The following KIAA0825 variants were observed in gnomAD, a reference collection of about 807,000 sequenced individuals.
KIAA0825 encodes the protein KIAA0825.
In KIAA0825, 119 loss-of-function variants were observed where a neutral mutation model predicts 147.6. The observed-to-expected ratio is 0.81, with a 90% CI of 0.69 to 0.94. The LOEUF is 0.94. Among genes scored for constraint, KIAA0825 ranks in the 40% least tolerant of loss-of-function variants. KIAA0825 has a pLI of 0.00. For synonymous variants in KIAA0825, 470 were observed against 518.1 expected (o/e 0.91, Z 1.26); for missense variants, 1,381 against 1,472.7 (o/e 0.94, Z 1.02).
chr5:94,404,086 G>A (rs1751735201), intron 15 of KIAA0825, among the ~76,000 whole-genome samples: 1 of 151,996 alleles, frequency 6.6e-6, no homozygotes, highest in Admixed American at 6.6e-5. Flanking sequence ...ATGACAACTT[G>A]GCAATAATGT....
At position 94,151,635 on chromosome 5, in the gene KIAA0825, C is replaced by T. The variant is rs1015433439; in HGVS notation, c.*2372G>A. Among the ~76,000 whole-genome samples, 41 of 152,170 alleles carry T rather than the reference C, an allele frequency of 2.7e-4. No individual in the cohort carries two copies. Among genetic ancestry groups the T allele is most frequent in the African/African-American group, 8.9e-4 (37 of 41,520 alleles). On this transcript the variant is annotated 3_prime_UTR_variant, in exon 21 of 21. Transcript: ENST00000682413. Reference sequence around the variant, plus strand: ...TCCTTTAAACTCATCCCATTTTCCCCTTACTATACTTCCTTTCTTTCAAAA... The same window carrying T: ...TCCTTTAAACTCATCCCATTTTCCCTTTACTATACTTCCTTTCTTTCAAAA...
At chr5:94,361,332 A>G (rs1334518391) in intron 20 of KIAA0825, among the ~76,000 whole-genome samples, 1 of 152,166 alleles carries the variant, frequency 6.6e-6, no homozygotes, top group Non-Finnish European at 1.5e-5. Context: ...TAAATCCTGT[A>G]CCAAAAGACA....
chr5:94,599,794 A>G (rs1269232077), intron 1 of KIAA0825, among the ~76,000 whole-genome samples: 1 of 152,224 alleles, frequency 6.6e-6, no homozygotes, highest in Non-Finnish European at 1.5e-5. Context: ...AAATCTTCAC[A>G]GCATTCTCTG....
chr5:94,170,939 G>T (rs187766967), intron 20 of KIAA0825, among the ~76,000 whole-genome samples: 135 of 152,182 alleles, frequency 8.9e-4, no homozygotes, highest in African/African-American at 3.2e-3. Flanking sequence ...TGTTTTGATG[G>T]GTCAGAAAGG....
chr5:94,604,585 A>C (rs115001534), intron 1 of KIAA0825, among the ~76,000 whole-genome samples: 10,403 of 152,110 alleles, frequency 0.068, 529 homozygotes, highest in Non-Finnish European at 0.099. Context: ...ACAAACAAAC[A>C]AACAAAAAAC....
chr5:94,396,145 C>A lies in KIAA0825; in HGVS notation c.3252G>T (p.Trp1084Cys). ...TTGCTTTCAACAATTGACGTTCAAT[C>A]CAGTTGGGCTTCTGCTGCTCAATGC... ...IQSIEQQKPN[W>C]IERQLLKARK... Residue 1084 changes from tryptophan to cysteine, a missense_variant, in exon 17 of 21, where the codon TGG (tryptophan) becomes TGT (cysteine). By Grantham distance (215) the Trp-to-Cys change is radical (BLOSUM62 -2). Coordinates refer to ENST00000682413, the MANE Select transcript of KIAA0825 (RefSeq NM_001145678.3). 1 of 1,523,604 alleles carries A rather than the reference C, an allele frequency of 6.6e-7. No individual in the cohort carries two copies. Among genetic ancestry groups the A allele is most frequent in the South Asian group, 1.3e-5 (1 of 78,530 alleles). 94.4% of individuals were successfully genotyped at this position (1,523,604 alleles called of 1,614,324 possible).
rs575359650 is a variant in KIAA0825 at position 94,159,356 on chromosome 5, T to C, written c.3711-5232A>G. ...TTATATGCAACATAGGGGGTGCTAG[T>C]GGTATACATCTCAATGCATTGTTGT... On this transcript the variant is annotated intron_variant, in intron 20 of 20. Transcript: ENST00000682413. 1.2e-4 allele frequency among the ~76,000 whole-genome samples: 18 copies of C among 152,246 alleles called. No individual in the cohort carries two copies. The East Asian group carries it at 3.3e-3, about 28-fold the overall frequency.
intron 5 of KIAA0825, 56 bp from the exon 6 acceptor site, chr5:94,484,986 A>AT: frequency 8.2e-7 from 1 of 1,218,872 alleles, no homozygotes; most frequent in Non-Finnish European, 1.1e-6. Flanking sequence ...CTTAGTAAAT[A>AT]TTAGAATGAT....
chr5:94,443,651 C>A (rs556545286), intron 13 of KIAA0825, among the ~76,000 whole-genome samples: 76 of 152,246 alleles, frequency 5.0e-4, no homozygotes, highest in Middle Eastern at 6.8e-3. Context: ...TGTGAAAAAT[C>A]TTAGCTACAT....
intron 20 of KIAA0825, among the ~76,000 whole-genome samples, chr5:94,286,742 G>A (rs186357089): frequency 6.6e-6 from 1 of 152,144 alleles, no homozygotes. Context: ...ATAAAGAAAG[G>A]GTCTTGCTTC....
In KIAA0825 at chr5:94,219,578, G is replaced by A. The variant is rs192889246; in HGVS notation, c.3711-65454C>T. On this transcript the variant is annotated intron_variant, in intron 20 of 20. Transcript: ENST00000682413. ...CAACTTCATCATTGAACATCATATA[G>A]AGTGGACCTACACAAACCTAGGTGG... Among the ~76,000 whole-genome samples the A allele has an allele frequency of 1.4e-4, 22 of 152,132 alleles. No individual in the cohort carries two copies. The East Asian group carries it at 4.1e-3, about 28-fold the overall frequency.
At chr5:94,387,519 C>G (rs919947012) in intron 18 of KIAA0825, among the ~76,000 whole-genome samples, 1 of 151,922 alleles carries the variant, frequency 6.6e-6, no homozygotes, top group Non-Finnish European at 1.5e-5. Flanking sequence ...CATGGTGAAA[C>G]CCCATCTCTA....
chr5:94,441,461 G>A (rs1757073788), intron 13 of KIAA0825, among the ~76,000 whole-genome samples: 1 of 152,076 alleles, frequency 6.6e-6, no homozygotes, highest in African/African-American at 2.4e-5. Context: ...CACCCACAAT[G>A]GGCTAAATGT....
chr5:94,374,409 A>G (rs1425067249), intron 20 of KIAA0825, among the ~76,000 whole-genome samples: 1 of 152,212 alleles, frequency 6.6e-6, no homozygotes, highest in African/African-American at 2.4e-5. Context: ...TATATAACAC[A>G]TATCCATATA....
At chr5:94,268,775 T>G (rs1036199472) in intron 20 of KIAA0825, among the ~76,000 whole-genome samples, 1 of 152,148 alleles carries the variant, frequency 6.6e-6, no homozygotes, top group Non-Finnish European at 1.5e-5. Flanking sequence ...AGCATCTTTT[T>G]CTCTGAGAGT....
At chr5:94,240,162 T>C (rs898646380) in intron 20 of KIAA0825, among the ~76,000 whole-genome samples, 2 of 152,244 alleles carry the variant, frequency 1.3e-5, no homozygotes, top group African/African-American at 4.8e-5. Context: ...AATTCTATGA[T>C]TTATTGCAAG....
rs79031139 is a variant in KIAA0825 at position 94,476,230 on chromosome 5, A to T, written c.1227+881T>A. ...ATTCAAAAAGCAGAAACCACTCAAGATTTTTCAAAAGGAAGAATTTTAATG... is the reference window on the plus strand; with the variant it reads ...ATTCAAAAAGCAGAAACCACTCAAGTTTTTTCAAAAGGAAGAATTTTAATG... On this transcript the variant is annotated intron_variant, in intron 7 of 20. Transcript: ENST00000682413. 5.5e-3 allele frequency among the ~76,000 whole-genome samples: 842 copies of T among 152,230 alleles called. 9 individuals are homozygous for T. The highest frequency in any genetic ancestry group is 0.027 in the Middle Eastern group (8 of 294).
chr5:94,242,411 AC>A (rs1220967424), intron 20 of KIAA0825, among the ~76,000 whole-genome samples: 2 of 152,098 alleles, frequency 1.3e-5, no homozygotes, highest in Non-Finnish European at 2.9e-5. Flanking sequence ...TTCTTTGAGC[AC>A]CTAACGTGAG....
At chr5:94,326,082 G>A (rs567189172) in intron 20 of KIAA0825, among the ~76,000 whole-genome samples, 1 of 152,106 alleles carries the variant, frequency 6.6e-6, no homozygotes, top group South Asian at 2.1e-4. Context: ...AAGATATTAT[G>A]TGTTGCTCCA....
Sources: allele counts gnomAD v4.1 joint callset (sites outside exome capture counted in the v4.1 genomes callset), GRCh38; gene constraint gnomAD v4.1.1; transcripts MANE v1.5; gene names NCBI Gene and HGNC (gene_info 2026-07-23, HGNC 2026-07-21).